Variants in KCNQ3 observed in about 807,000 individuals in gnomAD.
KCNQ3 encodes potassium voltage-gated channel subfamily Q member 3.
In KCNQ3, 30 loss-of-function variants were observed where a neutral mutation model predicts 92.5. The ratio of observed to expected loss-of-function variants is 0.32; its 90% CI spans 0.24 to 0.44. The LOEUF is 0.44. Among genes scored for constraint, KCNQ3 ranks in the 20% least tolerant of loss-of-function variants. The pLI is 1.00. For synonymous variants in KCNQ3, 450 were observed against 468.8 expected (o/e 0.96, Z 0.52); for missense variants, 913 against 1,140.3 (o/e 0.80, Z 2.87).
chr8:132,352,206 A>T (rs773646594), intron 1 of KCNQ3, among the ~76,000 whole-genome samples: 37 of 152,178 alleles, frequency 2.4e-4, no homozygotes, highest in Admixed American at 4.6e-4. Flanking sequence ...TTTACATCCA[A>T]GCAGTGCTGT....
chr8:132,443,953 C>G (rs928056673), intron 1 of KCNQ3, among the ~76,000 whole-genome samples: 1 of 152,214 alleles, frequency 6.6e-6, no homozygotes, highest in Non-Finnish European at 1.5e-5. Context: ...ATTTAATCCT[C>G]TTACCAAGCC....
chr8:132,374,049 A>T (rs1819546832), intron 1 of KCNQ3, among the ~76,000 whole-genome samples: 1 of 152,036 alleles, frequency 6.6e-6, no homozygotes, highest in East Asian at 1.9e-4. Flanking sequence ...GGAGGACGAA[A>T]GCCCCAGGCA....
intron 1 of KCNQ3, among the ~76,000 whole-genome samples, chr8:132,254,240 G>A (rs1815506411): frequency 6.6e-6 from 1 of 152,198 alleles, no homozygotes; most frequent in South Asian, 2.1e-4. Context: ...GAAAGTGCAT[G>A]TTCTCCCTAT....
Position 132,137,765 on chromosome 8 carries a change from A to G in KCNQ3, c.1700+120T>C, listed in dbSNP as rs1263493170. 1.8e-5 allele frequency: 22 copies of G among 1,247,612 alleles called. No individual in the cohort carries two copies. The Admixed American group carries it at 3.8e-4, about 22-fold the overall frequency. 77.3% of individuals were successfully genotyped at this position (1,247,612 alleles called of 1,614,324 possible). On this transcript the variant is annotated intron_variant, in intron 12 of 14. Coordinates refer to ENST00000388996, the MANE Select transcript of KCNQ3 (RefSeq NM_004519.4). Reference sequence around the variant, plus strand: ...TAGACATCCACAAGGCTTCGTGGATATTTGTCTTCTTAAAATCTCTCCCTG... The same window carrying G: ...TAGACATCCACAAGGCTTCGTGGATGTTTGTCTTCTTAAAATCTCTCCCTG...
chr8:132,201,280 C>T (rs1827451708), intron 1 of KCNQ3, among the ~76,000 whole-genome samples: 1 of 152,176 alleles, frequency 6.6e-6, no homozygotes, highest in African/African-American at 2.4e-5. Flanking sequence ...CTTTACTTGC[C>T]AAATTCATGT....
At chr8:132,389,583 C>T (rs754281040) in intron 1 of KCNQ3, among the ~76,000 whole-genome samples, 19 of 152,166 alleles carry the variant, frequency 1.2e-4, no homozygotes, top group Non-Finnish European at 2.4e-4. Context: ...GTAAGGAAAA[C>T]ACAGGCAACC....
chr8:132,243,510 GGA>G (rs1413175990), intron 1 of KCNQ3, among the ~76,000 whole-genome samples: 1 of 152,174 alleles, frequency 6.6e-6, no homozygotes, highest in Non-Finnish European at 1.5e-5. Flanking sequence ...CAGTCTGATG[GGA>G]GCAGAGTAAA....
At chr8:132,426,349 G>A (rs1400190347) in intron 1 of KCNQ3, among the ~76,000 whole-genome samples, 2 of 152,188 alleles carry the variant, frequency 1.3e-5, no homozygotes, top group African/African-American at 2.4e-5. Flanking sequence ...CCTAAATAGC[G>A]TGTTTCAGTT....
chr8:132,451,657 G>T (rs528563563), intron 1 of KCNQ3, among the ~76,000 whole-genome samples: 1 of 152,224 alleles, frequency 6.6e-6, no homozygotes, highest in Non-Finnish European at 1.5e-5. Context: ...GAAGAAAGGC[G>T]TCTATTCACA....
chr8:132,306,144 T>C (rs1477875341), intron 1 of KCNQ3, among the ~76,000 whole-genome samples: 1 of 152,162 alleles, frequency 6.6e-6, no homozygotes, highest in African/African-American at 2.4e-5. Context: ...CAGATATCTG[T>C]GTGCTTTCTA....
rs143296144 is a variant in KCNQ3, at chr8:132,333,651, T to C, written c.386+146496A>G. ...GGTGGTTGCATGATACTACATATTC[T>C]CTTGTGTGCCTGGATTTTCTTATTT... On this transcript the variant is annotated intron_variant, in intron 1 of 14. Transcript: ENST00000388996. Among the ~76,000 whole-genome samples, 1,254 of 152,312 alleles carry C rather than the reference T, an allele frequency of 8.2e-3. 17 individuals are homozygous for C. Among genetic ancestry groups the C allele is most frequent in the African/African-American group, 0.029 (1,196 of 41,566 alleles).
At chr8:132,461,565 C>CA (rs1008937059) in intron 1 of KCNQ3, among the ~76,000 whole-genome samples, 11 of 151,712 alleles carry the variant, frequency 7.3e-5, no homozygotes, top group African/African-American at 1.5e-4. Flanking sequence ...GACTCCGTCT[C>CA]AAAAAAAAGA....
intron 1 of KCNQ3, among the ~76,000 whole-genome samples, chr8:132,428,901 A>G (rs995431124): frequency 1.3e-5 from 2 of 152,144 alleles, no homozygotes; most frequent in Non-Finnish European, 2.9e-5. Context: ...ACAAACCTCC[A>G]AACAGAACAT....
intron 1 of KCNQ3, among the ~76,000 whole-genome samples, chr8:132,191,760 G>A (rs1454784441): frequency 6.6e-6 from 1 of 151,892 alleles, no homozygotes; most frequent in Non-Finnish European, 1.5e-5. Flanking sequence ...CAGAGAGGAG[G>A]AGGGTGCGCT....
intron 12 of KCNQ3, 49 bp downstream of exon 12, chr8:132,137,836 T>C (rs775133244): frequency 3.1e-6 from 5 of 1,606,880 alleles, no homozygotes; most frequent in East Asian, 2.2e-5. Flanking sequence ...ACTCTAAGGT[T>C]CATAGGGCTT....
chr8:132,246,421 C>T (rs780166767), intron 1 of KCNQ3, among the ~76,000 whole-genome samples: 1 of 152,300 alleles, frequency 6.6e-6, no homozygotes, highest in South Asian at 2.1e-4. Flanking sequence ...GCTTTAGCAT[C>T]CCATCTTCAG....
intron 1 of KCNQ3, among the ~76,000 whole-genome samples, chr8:132,318,659 A>T (rs1817810143): frequency 6.6e-6 from 1 of 152,166 alleles, no homozygotes; most frequent in Admixed American, 6.5e-5. Flanking sequence ...ACACTCATGG[A>T]TGTAGTTTAG....
intron 1 of KCNQ3, among the ~76,000 whole-genome samples, chr8:132,305,073 A>C (rs1817376688): frequency 6.6e-6 from 1 of 152,182 alleles, no homozygotes; most frequent in South Asian, 2.1e-4. Context: ...TGATCTCTGC[A>C]GACCACTTCA....
chr8:132,393,444 G>A (rs1820103219), intron 1 of KCNQ3, among the ~76,000 whole-genome samples: 1 of 152,158 alleles, frequency 6.6e-6, no homozygotes, highest in Non-Finnish European at 1.5e-5. Flanking sequence ...AGCTGCCACG[G>A]ACAACATGTA....
Sources: allele counts gnomAD v4.1 joint callset (sites outside exome capture counted in the v4.1 genomes callset), GRCh38; gene constraint gnomAD v4.1.1; transcripts MANE v1.5; gene names NCBI Gene and HGNC (gene_info 2026-07-23, HGNC 2026-07-21).